Variants in CAPZA2 observed in about 807,000 individuals in gnomAD.
CAPZA2 encodes F-actin-capping protein subunit alpha-2.
CAPZA2 carries 13 observed loss-of-function variants against 44.0 expected under a neutral mutation model. The observed-to-expected ratio is 0.30, with a 90% CI of 0.19 to 0.47. The LOEUF is 0.47. Ranked by LOEUF, CAPZA2 falls within the 20% of genes least tolerant of loss-of-function variation. The probability of loss-of-function intolerance (pLI) is 1.00; values close to 1 mark genes in which losing one functional copy is unlikely to be tolerated. For missense variants in CAPZA2, 244 were observed against 338.6 expected, an observed-to-expected ratio of 0.72 and a Z score of 2.19; for synonymous variants, 94 against 108.2, an observed-to-expected ratio of 0.87 and a Z score of 0.81.
chr7:116,915,313 A>T (rs954222444), intron 8 of CAPZA2: 1 of 152,044 alleles, frequency 6.6e-6, no homozygotes, highest in Admixed American at 6.6e-5. Flanking sequence ...AAAAAAAAAA[A>T]ACAGATGCTT....
intron 6 of CAPZA2, chr7:116,909,962 G>A (rs1438806250): frequency 4.7e-6 from 2 of 421,380 alleles, no homozygotes; most frequent in African/African-American, 4.0e-5. Flanking sequence ...ACACACACCA[G>A]CCTGAATTGT....
chr7:116,868,714 A>G (rs868116049), intron 1 of CAPZA2, among the ~76,000 whole-genome samples: 2 of 152,242 alleles, frequency 1.3e-5, no homozygotes, highest in Non-Finnish European at 2.9e-5. Context: ...AGCCTGGGCA[A>G]TAGAGCAAGA....
chr7:116,880,039 G>T, intron 1 of CAPZA2: 2 of 462,344 alleles, frequency 4.3e-6, no homozygotes, highest in Non-Finnish European at 4.4e-6. Context: ...AGTTTCTCCC[G>T]CTCTGATTGA....
At chr7:116,916,791 A>C (rs1041986513) in intron 9 of CAPZA2, among the ~76,000 whole-genome samples, 53 of 152,228 alleles carry the variant, frequency 3.5e-4, no homozygotes, top group African/African-American at 1.2e-3. Context: ...TCTGAAAATT[A>C]GAAATCTGCA....
chr7:116,873,432 A>G (rs187765299), intron 1 of CAPZA2: 1 of 152,114 alleles, frequency 6.6e-6, no homozygotes, highest in East Asian at 1.9e-4. Context: ...ATTTTTTTTA[A>G]TTTTTGTTAG....
chr7:116,888,367 A>G (rs1465087884), intron 2 of CAPZA2, 177 bp downstream of exon 2: 1 of 452,096 alleles, frequency 2.2e-6, no homozygotes, highest in East Asian at 3.4e-5. Flanking sequence ...ATTTATTTAT[A>G]TATGATGATT....
chr7:116,890,237 A>C (rs1368723979), intron 2 of CAPZA2, among the ~76,000 whole-genome samples: 1 of 152,114 alleles, frequency 6.6e-6, no homozygotes, highest in Non-Finnish European at 1.5e-5. Flanking sequence ...ACATTGAGTT[A>C]ATATATTCTC....
intron 1 of CAPZA2, among the ~76,000 whole-genome samples, chr7:116,868,646 A>G (rs1413000628): frequency 6.6e-6 from 1 of 152,164 alleles, no homozygotes; most frequent in Non-Finnish European, 1.5e-5. Flanking sequence ...AGGCAGGAGA[A>G]TCGCTTGGAC....
At chr7:116,892,237 T>C (rs1444382440) in intron 2 of CAPZA2, among the ~76,000 whole-genome samples, 1 of 152,214 alleles carries the variant, frequency 6.6e-6, no homozygotes, top group East Asian at 1.9e-4. Context: ...TGTGTTATTT[T>C]CATCTAATGA....
chr7:116,900,966 A>G (rs1237301374), intron 4 of CAPZA2, among the ~76,000 whole-genome samples: 2 of 152,170 alleles, frequency 1.3e-5, no homozygotes, highest in Admixed American at 6.5e-5. Flanking sequence ...ATGAGATACC[A>G]TTTCAAACCA....
chr7:116,906,604 G>C (rs1211511553), intron 6 of CAPZA2: 1 of 381,514 alleles, frequency 2.6e-6, no homozygotes, highest in African/African-American at 2.1e-5. Context: ...GTGCCTGCGA[G>C]AACACCAGTT....
chr7:116,904,778 T>C (rs1791463837), intron 5 of CAPZA2: 2 of 158,042 alleles, frequency 1.3e-5, no homozygotes, highest in African/African-American at 2.4e-5. Flanking sequence ...TATTTTACAG[T>C]TACATTTCTT....
At chr7:116,894,356 G>A (rs887406192) in intron 3 of CAPZA2, among the ~76,000 whole-genome samples, 26 of 82,170 alleles carry the variant, frequency 3.2e-4, no homozygotes, top group African/African-American at 1.2e-3. Flanking sequence ...GCAAGACTCC[G>A]TCTCAAAAAA....
chr7:116,862,691 G>A (rs1796432340), intron 1 of CAPZA2, 41 bp downstream of exon 1: 4 of 1,506,534 alleles, frequency 2.7e-6, no homozygotes, highest in Non-Finnish European at 3.6e-6. Flanking sequence ...GTCAGGAGCC[G>A]GCTCAGCCCG....
chr7:116,863,402 A>G (rs1796443242), intron 1 of CAPZA2, among the ~76,000 whole-genome samples: 1 of 152,080 alleles, frequency 6.6e-6, no homozygotes, highest in Non-Finnish European at 1.5e-5. Context: ...ATTTGGTGGC[A>G]CCTCACTTTC....
intron 8 of CAPZA2, 21 bp downstream of exon 8, chr7:116,912,161 T>C (rs769914360): frequency 6.2e-7 from 1 of 1,610,070 alleles, no homozygotes; most frequent in Non-Finnish European, 8.5e-7. Flanking sequence ...AATTCCACAA[T>C]AAAATTTAAC....
intron 2 of CAPZA2, among the ~76,000 whole-genome samples, chr7:116,890,414 T>C (rs1291338344): frequency 6.7e-6 from 1 of 149,096 alleles, no homozygotes; most frequent in African/African-American, 2.5e-5. Context: ...CTCATGCCTA[T>C]AATGCCAGCG....
intron 1 of CAPZA2, among the ~76,000 whole-genome samples, chr7:116,887,567 C>G (rs1220689240): frequency 6.6e-6 from 1 of 152,106 alleles, no homozygotes; most frequent in Non-Finnish European, 1.5e-5. Flanking sequence ...TGTGGTGGCT[C>G]ACACCTGTAA....
At chr7:116,869,172 A>G (rs1213182998) in intron 1 of CAPZA2, among the ~76,000 whole-genome samples, 2 of 152,234 alleles carry the variant, frequency 1.3e-5, no homozygotes, top group Admixed American at 1.3e-4. Flanking sequence ...TTATTATAGC[A>G]ATAATTTGTT....
Sources: allele counts gnomAD v4.1 joint callset (sites outside exome capture counted in the v4.1 genomes callset), GRCh38; gene constraint gnomAD v4.1.1; transcripts MANE v1.5; gene names NCBI Gene and HGNC (gene_info 2026-07-23, HGNC 2026-07-21).